HTR1F: variants seen among roughly 807,000 people sequenced by gnomAD.
HTR1F encodes the protein 5-hydroxytryptamine receptor 1F, also known as 5-hydroxytryptamine (serotonin) receptor 1F, G protein-coupled.
A neutral mutation model predicts 24.0 loss-of-function variants in HTR1F; 17 were observed. The observed-to-expected ratio is 0.71, with a 90% CI of 0.48 to 1.06. The LOEUF (loss-of-function observed/expected upper bound fraction) is 1.06. Ranked by LOEUF, HTR1F falls within the 50% of genes least tolerant of loss-of-function variation. HTR1F has a pLI of 0.00. For synonymous variants in HTR1F, 186 were observed against 156.8 expected (o/e 1.19, Z -1.39); for missense variants, 391 against 427.8 (o/e 0.91, Z 0.76).
intron 2 of HTR1F, among the ~76,000 whole-genome samples, chr3:87,954,075 T>C (rs563648945): frequency 3.3e-5 from 5 of 151,624 alleles, no homozygotes; most frequent in African/African-American, 1.2e-4. Flanking sequence ...CATAGAGAGG[T>C]AGGTTAATAG....
At chr3:87,988,883 G>A (rs1334750877) in intron 2 of HTR1F, among the ~76,000 whole-genome samples, 1 of 151,846 alleles carries the variant, frequency 6.6e-6, no homozygotes, top group African/African-American at 2.4e-5. Context: ...CTGGTTCAAG[G>A]TGTTTTATAA....
At chr3:87,900,432 A>G (rs1340959978) in intron 2 of HTR1F, among the ~76,000 whole-genome samples, 1 of 152,222 alleles carries the variant, frequency 6.6e-6, no homozygotes, top group Admixed American at 6.5e-5. Flanking sequence ...GAAATCAGGT[A>G]CTGGAGAAAC....
intron 2 of HTR1F, among the ~76,000 whole-genome samples, chr3:87,948,458 C>G (rs553696669): frequency 6.6e-6 from 1 of 151,878 alleles, no homozygotes; most frequent in South Asian, 2.1e-4. Context: ...CATTTCAATT[C>G]TCCTGGCAGC....
intron 2 of HTR1F, among the ~76,000 whole-genome samples, chr3:87,934,531 T>A (rs1478957018): frequency 5.3e-5 from 8 of 152,208 alleles, no homozygotes; most frequent in Admixed American, 3.3e-4. Context: ...CTCCTGTGCA[T>A]CAGTCATGAC....
At chr3:87,823,277 A>T (rs1434305842) in intron 2 of HTR1F, among the ~76,000 whole-genome samples, 2 of 152,170 alleles carry the variant, frequency 1.3e-5, no homozygotes, top group African/African-American at 4.8e-5. Flanking sequence ...TCTCAATGGT[A>T]CCCATTCTCC....
At chr3:87,857,676 C>CTCCTTTTTGCTA (rs1705225306) in intron 2 of HTR1F, among the ~76,000 whole-genome samples, 1 of 152,034 alleles carries the variant, frequency 6.6e-6, no homozygotes, top group Non-Finnish European at 1.5e-5. Flanking sequence ...TAGCCTCCCC[C>CTCCTTTTTGCTA]ATTAGCAACA....
At chr3:87,842,069 C>T (rs1704820621) in intron 2 of HTR1F, among the ~76,000 whole-genome samples, 4 of 151,784 alleles carry the variant, frequency 2.6e-5, no homozygotes, top group Admixed American at 6.6e-5. Flanking sequence ...TTTCTTCATT[C>T]CCATTAAGGT....
At chr3:87,982,440 T>G (rs1489338683) in intron 2 of HTR1F, among the ~76,000 whole-genome samples, 2 of 152,190 alleles carry the variant, frequency 1.3e-5, no homozygotes, top group Non-Finnish European at 2.9e-5. Context: ...TCAATCCGAT[T>G]CATAGGGAGA....
chr3:87,816,994 T>C (rs1404828964), intron 1 of HTR1F, among the ~76,000 whole-genome samples: 2 of 152,132 alleles, frequency 1.3e-5, no homozygotes, highest in Non-Finnish European at 2.9e-5. Flanking sequence ...TACAAAGGTA[T>C]TTATAAATGT....
intron 2 of HTR1F, among the ~76,000 whole-genome samples, chr3:87,916,367 G>T (rs1403078855): frequency 1.4e-5 from 2 of 146,738 alleles, no homozygotes; most frequent in African/African-American, 2.5e-5. Context: ...AGAATGGAAT[G>T]GTACCTCAAT....
intron 2 of HTR1F, among the ~76,000 whole-genome samples, chr3:87,853,273 A>G (rs1705128737): frequency 6.6e-6 from 1 of 151,860 alleles, no homozygotes; most frequent in African/African-American, 2.4e-5. Flanking sequence ...CTATTTGTCC[A>G]TGTGTTCTCA....
intron 2 of HTR1F, among the ~76,000 whole-genome samples, chr3:87,900,900 G>A (rs1431594103): frequency 2.0e-5 from 3 of 152,144 alleles, no homozygotes; most frequent in Non-Finnish European, 4.4e-5. Context: ...TAAGTAGATA[G>A]TTGTGTTTAT....
chr3:87,834,989 G>T (rs1704653649), intron 2 of HTR1F, among the ~76,000 whole-genome samples: 1 of 152,144 alleles, frequency 6.6e-6, no homozygotes, highest in Non-Finnish European at 1.5e-5. Flanking sequence ...CCTCAGTTTA[G>T]AAAGATTAAG....
At chr3:87,958,404 GTC>G (rs962799700) in intron 2 of HTR1F, among the ~76,000 whole-genome samples, 3 of 151,480 alleles carry the variant, frequency 2.0e-5, no homozygotes, top group African/African-American at 7.3e-5. Context: ...GTGACTGTCT[GTC>G]TCTCTTTAAT....
At chr3:87,867,792 A>G (rs1428893263) in intron 2 of HTR1F, among the ~76,000 whole-genome samples, 1 of 152,170 alleles carries the variant, frequency 6.6e-6, no homozygotes, top group African/African-American at 2.4e-5. Context: ...TTAAAATGGT[A>G]CCACATTGTA....
chr3:87,833,265 T>A (rs1266420862), intron 2 of HTR1F, among the ~76,000 whole-genome samples: 1 of 152,168 alleles, frequency 6.6e-6, no homozygotes, highest in East Asian at 1.9e-4. Flanking sequence ...CCAGAATGTC[T>A]CCAAACTGGA....
At chr3:87,911,610 G>T (rs1415809098) in intron 2 of HTR1F, among the ~76,000 whole-genome samples, 1 of 151,876 alleles carries the variant, frequency 6.6e-6, no homozygotes, top group Non-Finnish European at 1.5e-5. Context: ...CCAAAATGTG[G>T]CAGAGACACA....
intron 2 of HTR1F, among the ~76,000 whole-genome samples, chr3:87,850,573 G>A (rs565141319): frequency 5.3e-5 from 8 of 151,164 alleles, no homozygotes; most frequent in South Asian, 2.1e-4. Flanking sequence ...AAACCTGCAC[G>A]TTGTGCACAT....
chr3:87,951,382 C>G (rs1363383030), intron 2 of HTR1F, among the ~76,000 whole-genome samples: 1 of 152,096 alleles, frequency 6.6e-6, no homozygotes, highest in Non-Finnish European at 1.5e-5. Flanking sequence ...TACCATTACC[C>G]TTCTCATAAT....
Sources: allele counts gnomAD v4.1 joint callset (sites outside exome capture counted in the v4.1 genomes callset), GRCh38; gene constraint gnomAD v4.1.1; transcripts MANE v1.5; gene names NCBI Gene and HGNC (gene_info 2026-07-23, HGNC 2026-07-21).